METAP1D: variants seen among roughly 807,000 people sequenced by gnomAD.
The protein encoded by METAP1D is methionine aminopeptidase 1D, mitochondrial.
METAP1D carries 31 observed loss-of-function variants against 40.5 expected under a neutral mutation model. The observed-to-expected ratio is 0.77, with a 90% CI of 0.58 to 1.03. The LOEUF (loss-of-function observed/expected upper bound fraction) is 1.03, where lower values mean the gene tolerates loss of function less well. Among genes scored for constraint, METAP1D ranks in the 50% least tolerant of loss-of-function variants. The pLI is 0.00. For synonymous variants in METAP1D, 151 were observed against 146.4 expected, an observed-to-expected ratio of 1.03 and a Z score of -0.22; for missense variants, 411 against 420.7, an observed-to-expected ratio of 0.98 and a Z score of 0.20.
At chr2:172,079,406 T>G (rs1389522401) in intron 8 of METAP1D, 144 bp downstream of exon 8, 9 of 760,480 alleles carry the variant, frequency 1.2e-5, no homozygotes, top group Non-Finnish European at 1.8e-5. Flanking sequence ...TCTGATTAAA[T>G]AATATCCTCA....
chr2:172,037,571 C>T (rs1488128986), intron 1 of METAP1D, among the ~76,000 whole-genome samples: 2 of 152,172 alleles, frequency 1.3e-5, no homozygotes, highest in Non-Finnish European at 2.9e-5. Flanking sequence ...ATCTTTACAA[C>T]AGTTTTTTAT....
chr2:172,036,459 G>A (rs958386732), intron 1 of METAP1D, among the ~76,000 whole-genome samples: 5 of 149,218 alleles, frequency 3.4e-5, no homozygotes, highest in South Asian at 2.2e-4. Flanking sequence ...TCCGCCTTCC[G>A]GGTTCACGCC....
At chr2:172,051,210 G>A (rs1559012299) in intron 1 of METAP1D, among the ~76,000 whole-genome samples, 1 of 152,002 alleles carries the variant, frequency 6.6e-6, no homozygotes, top group Non-Finnish European at 1.5e-5. Flanking sequence ...CTTGAGTTCT[G>A]ACTATAATCT....
At chr2:172,033,882 C>G (rs2105418599) in intron 1 of METAP1D, among the ~76,000 whole-genome samples, 1 of 151,864 alleles carries the variant, frequency 6.6e-6, no homozygotes, top group Middle Eastern at 3.4e-3. Context: ...TTGGGACCAG[C>G]CTGGCCAACA....
At chr2:172,071,245 T>C (rs1250380611) in intron 6 of METAP1D, among the ~76,000 whole-genome samples, 175 bp downstream of exon 6, 1 of 151,964 alleles carries the variant, frequency 6.6e-6, no homozygotes, top group South Asian at 2.1e-4. Flanking sequence ...AAAAAAAAGA[T>C]TTTATAAAAA....
chr2:172,013,861 C>T (rs1203446164), intron 1 of METAP1D, among the ~76,000 whole-genome samples: 1 of 150,744 alleles, frequency 6.6e-6, no homozygotes, highest in Non-Finnish European at 1.5e-5. Context: ...TGCTCTGTCA[C>T]CCAGGCTGGA....
rs1689736024 is a variant in METAP1D, at chr2:172,045,799, G to GTATATATA, written c.41-15698_41-15697insATATATAT. Among the ~76,000 whole-genome samples, 3 of 10,836 alleles carry GTATATATA rather than the reference G, an allele frequency of 2.8e-4. No homozygotes were observed. In the South Asian group the frequency reaches 0.012, roughly 45 times the overall value. The allele number at this position is 10,836 out of a possible 152,430, so 7.1% of individuals were successfully genotyped here. On this transcript the variant is annotated intron_variant, in intron 1 of 9. Coordinates refer to ENST00000315796, the MANE Select transcript of METAP1D (RefSeq NM_199227.3). ...TATATGTGTATGTATATGTATATAT[G>GTATATATA]TGTGTGTGTGTGTGTGTGTGTATAT... is the stretch of plus-strand genomic sequence containing the variant.
At chr2:172,061,410 G>T in intron 1 of METAP1D, 88 bp from the exon 2 acceptor site, 2 of 1,177,484 alleles carry the variant, frequency 1.7e-6, no homozygotes, top group Middle Eastern at 2.6e-4. Context: ...TTAGAATAAT[G>T]ATTTAATAGA....
At position 172,061,506 on chromosome 2, in the gene METAP1D, A is replaced by G; in HGVS notation, c.49A>G (p.Arg17Gly). 6.2e-7 allele frequency: 1 copy of G among 1,610,400 alleles called. No homozygotes were observed. The highest frequency in any genetic ancestry group is 2.2e-5 in the East Asian group (1 of 44,794). Reference sequence around the variant, plus strand: ...TCTGTTTCTGCTCACAGGTTCTCATAGAATTTTCTCTTCACCACTCAATCA... The same window carrying G: ...TCTGTTTCTGCTCACAGGTTCTCATGGAATTTTCTCTTCACCACTCAATCA... ...VHLLVRRGSH[R>G]IFSSPLNHIY... Residue 17 changes from arginine (R) to glycine (G), a missense_variant, in exon 2 of 10, where the codon AGA becomes GGA. Transcript: ENST00000315796.
At chr2:172,013,617 T>C (rs1288242279) in intron 1 of METAP1D, among the ~76,000 whole-genome samples, 1 of 151,960 alleles carries the variant, frequency 6.6e-6, no homozygotes, top group Non-Finnish European at 1.5e-5. Flanking sequence ...GGGGCTTGGG[T>C]ATGCAGATGC....
chr2:172,017,383 A>G (rs1015906454), intron 1 of METAP1D, among the ~76,000 whole-genome samples: 5 of 150,106 alleles, frequency 3.3e-5, no homozygotes, highest in Admixed American at 1.3e-4. Context: ...GTGTATATAT[A>G]TGTATATATG....
Position 172,047,223 on chromosome 2 carries a change from T to C in METAP1D, c.41-14275T>C, listed in dbSNP as rs1010514993. Among the ~76,000 whole-genome samples the C allele has an allele frequency of 6.8e-4, 104 of 152,016 alleles. 1 individual carries two copies. The highest frequency in any genetic ancestry group is 2.4e-3 in the African/African-American group (98 of 41,250). ...AATAAGTTCTTCCTGTATCACTGTT[T>C]AATAAACAGGAATTTTTATGCAAAG... On this transcript the variant is annotated intron_variant, in intron 1 of 9. Transcript: ENST00000315796.
At chr2:172,000,642 G>C (rs190000346) in intron 1 of METAP1D, among the ~76,000 whole-genome samples, 1 of 152,278 alleles carries the variant, frequency 6.6e-6, no homozygotes. Context: ...CCAAGGACGG[G>C]GGAAGAGGAA....
At position 172,024,590 on chromosome 2, in the gene METAP1D, C is replaced by T. The variant is rs149691160; in HGVS notation, c.40+24581C>T. Among the ~76,000 whole-genome samples the T allele has an allele frequency of 7.0e-4, 107 of 152,094 alleles. 1 individual carries two copies. The East Asian group carries it at 0.014, about 20-fold the overall frequency. On this transcript the variant is annotated intron_variant, in intron 1 of 9. Transcript: ENST00000315796. ...TCTTCACCAATGGCAAGCAGGTAAC[C>T]CCCCGCTATATACCTTATACTAAGA...
chr2:172,063,822 G>T lies in METAP1D; in HGVS notation c.310G>T (p.Ala104Ser), dbSNP rs540044833. The change falls in exon 3 of 10, where the codon GCC becomes TCC. Residue 104 changes from alanine to serine, a missense_variant. Ala to Ser is a moderately conservative substitution (Grantham distance 99). Coordinates refer to ENST00000315796, the MANE Select transcript of METAP1D (RefSeq NM_199227.3). ...IQGLHQACQL[A>S]RHVLLLAGKS... ...AGGGCTTCATCAGGCTTGTCAGCTG[G>T]CCCGCCACGTCCTCCTCTTGGCTGG... 1 of 1,613,704 alleles carries T rather than the reference G, an allele frequency of 6.2e-7. No individual in the cohort carries two copies. Among genetic ancestry groups the T allele is most frequent in the East Asian group, 2.2e-5 (1 of 44,844 alleles).
At chr2:172,005,088 G>GT (rs1243633062) in intron 1 of METAP1D, among the ~76,000 whole-genome samples, 1 of 151,634 alleles carries the variant, frequency 6.6e-6, no homozygotes, top group Non-Finnish European at 1.5e-5. Context: ...CTAATTTTTT[G>GT]TTTTTTTCAT....
intron 1 of METAP1D, among the ~76,000 whole-genome samples, chr2:172,055,443 G>A (rs1689982046): frequency 6.6e-6 from 1 of 152,016 alleles, no homozygotes; most frequent in African/African-American, 2.4e-5. Flanking sequence ...TAGAGACTGG[G>A]GATTTTAATT....
intron 1 of METAP1D, among the ~76,000 whole-genome samples, chr2:172,058,115 T>A (rs72892893): frequency 0.08 from 12,119 of 152,174 alleles, 690 homozygotes; most frequent in Non-Finnish European, 0.11. Flanking sequence ...GTAGCTGAAC[T>A]CCTGAGTAGC....
chr2:172,020,220 C>T (rs1688973370), intron 1 of METAP1D, among the ~76,000 whole-genome samples: 2 of 152,074 alleles, frequency 1.3e-5, no homozygotes, highest in Non-Finnish European at 2.9e-5. Context: ...TTACTGACCT[C>T]ATGATCCACC....
Sources: allele counts gnomAD v4.1 joint callset (sites outside exome capture counted in the v4.1 genomes callset), GRCh38; gene constraint gnomAD v4.1.1; transcripts MANE v1.5; gene names NCBI Gene and HGNC (gene_info 2026-07-23, HGNC 2026-07-21).